The following TNFSF4 variants were observed in gnomAD, a reference collection of about 807,000 sequenced individuals.
TNFSF4 encodes tumor necrosis factor ligand superfamily member 4.
Under a neutral mutation model 7.3 loss-of-function variants are expected in TNFSF4, and 4 were observed. The observed-to-expected ratio is 0.55, with a 90% CI of 0.27 to 1.25. The LOEUF (loss-of-function observed/expected upper bound fraction) is 1.25. TNFSF4 is among the 50% of genes most tolerant of loss of function. The pLI is 0.12. For synonymous variants in TNFSF4, 76 were observed against 83.7 expected (o/e 0.91, Z 0.50); for missense variants, 181 against 208.8 (o/e 0.87, Z 0.82).
rs375297833 is a variant in TNFSF4 at position 173,192,390 on chromosome 1, A to G, written c.154-3821T>C. ...TGGAACATTATGCAGCACTAAAAAG[A>G]AATGAACTATCAAGCTATGAAAAGA... On this transcript the variant is annotated intron_variant, in intron 1 of 2. Coordinates refer to ENST00000281834, the MANE Select transcript of TNFSF4 (RefSeq NM_003326.5). Among the ~76,000 whole-genome samples the G allele has an allele frequency of 2.0e-5, 3 of 152,360 alleles. No individual in the cohort carries two copies. The East Asian group carries it at 5.8e-4, about 29-fold the overall frequency.
chr1:173,440,334 A>C, the TNFSF4 span: 1 of 152,100 alleles, frequency 6.6e-6, no homozygotes, highest in Non-Finnish European at 1.5e-5. Context: ...TTTACTTTAT[A>C]CAATGACAGT....
the TNFSF4 span, among the ~76,000 whole-genome samples, chr1:173,412,924 A>T: frequency 6.6e-6 from 1 of 152,208 alleles, no homozygotes; most frequent in African/African-American, 2.4e-5. Context: ...TCAATAAAAA[A>T]GGGGGTGGGA....
At chr1:173,264,079 A>G in the TNFSF4 span, among the ~76,000 whole-genome samples, 1 of 152,208 alleles carries the variant, frequency 6.6e-6, no homozygotes, top group Non-Finnish European at 1.5e-5. Context: ...AACCCCAATG[A>G]TACAAATTTA....
intron 1 of TNFSF4, among the ~76,000 whole-genome samples, chr1:173,204,391 T>C (rs1650086486): frequency 6.6e-6 from 1 of 152,142 alleles, no homozygotes; most frequent in African/African-American, 2.4e-5. Flanking sequence ...AAACAAAATA[T>C]TCTGCATTTC....
chr1:173,216,887 A>G, the TNFSF4 span, among the ~76,000 whole-genome samples: 1 of 151,874 alleles, frequency 6.6e-6, no homozygotes, highest in Admixed American at 6.6e-5. Context: ...TGCTGTTCTT[A>G]CCCTTATTCT....
the TNFSF4 span, among the ~76,000 whole-genome samples, chr1:173,386,963 C>A: frequency 6.6e-6 from 1 of 152,156 alleles, no homozygotes. Flanking sequence ...TTTGGAGACA[C>A]CTAACTTGAT....
the TNFSF4 span, among the ~76,000 whole-genome samples, chr1:173,313,639 A>G: frequency 6.6e-6 from 1 of 152,106 alleles, no homozygotes; most frequent in African/African-American, 2.4e-5. Context: ...TGAGAGGAGC[A>G]TACTCCTTTC....
chr1:173,413,628 G>A, the TNFSF4 span, among the ~76,000 whole-genome samples: 15 of 152,158 alleles, frequency 9.9e-5, no homozygotes, highest in African/African-American at 2.9e-4. Flanking sequence ...TCAGAGGAGC[G>A]AGCAGCAGCA....
At chr1:173,181,756 G>A (rs1649058291), downstream of TNFSF4, among the ~76,000 whole-genome samples, 1 of 152,154 alleles carries the variant, frequency 6.6e-6, no homozygotes, top group Non-Finnish European at 1.5e-5. Context: ...GGAAGGTAAG[G>A]CATTAAAAGT....
the TNFSF4 span, among the ~76,000 whole-genome samples, chr1:173,374,028 C>T: frequency 2.6e-5 from 4 of 152,178 alleles, no homozygotes; most frequent in African/African-American, 7.2e-5. Context: ...AAATGAAACA[C>T]TCAAGAGGCA....
chr1:173,186,969 G>A (rs1649255673), intron 2 of TNFSF4, 104 bp from the exon 3 acceptor site: 4 of 774,270 alleles, frequency 5.2e-6, no homozygotes, highest in Non-Finnish European at 8.1e-6. Flanking sequence ...GTGATAGGGA[G>A]AGATTTTGAA....
chr1:173,196,983 A>C (rs1176377847), intron 1 of TNFSF4, among the ~76,000 whole-genome samples: 1 of 152,204 alleles, frequency 6.6e-6, no homozygotes, highest in East Asian at 1.9e-4. Context: ...CCATGTCTCA[A>C]ACATAATGGC....
At chr1:173,284,703 G>A in the TNFSF4 span, among the ~76,000 whole-genome samples, 2 of 152,136 alleles carry the variant, frequency 1.3e-5, no homozygotes, top group African/African-American at 4.8e-5. Flanking sequence ...TACTCTCCAT[G>A]TGCTCTATAA....
At chr1:173,355,687 T>G in the TNFSF4 span, among the ~76,000 whole-genome samples, 1 of 152,214 alleles carries the variant, frequency 6.6e-6, no homozygotes, top group African/African-American at 2.4e-5. Context: ...CTACAACAAG[T>G]TAGAAGAAGC....
intron 1 of TNFSF4, among the ~76,000 whole-genome samples, chr1:173,199,885 A>G (rs1649869131): frequency 6.6e-6 from 1 of 152,204 alleles, no homozygotes; most frequent in Non-Finnish European, 1.5e-5. Flanking sequence ...CAGAGAGAAT[A>G]AATTACTGAA....
chr1:173,216,210 G>A, the TNFSF4 span, among the ~76,000 whole-genome samples: 1 of 152,032 alleles, frequency 6.6e-6, no homozygotes, highest in Non-Finnish European at 1.5e-5. Context: ...GCATCAGCAG[G>A]GTAGGAATCC....
the TNFSF4 span, among the ~76,000 whole-genome samples, chr1:173,432,030 G>A: frequency 6.6e-6 from 1 of 152,216 alleles, no homozygotes; most frequent in South Asian, 2.1e-4. Context: ...AGGCCTTAAG[G>A]ATTGACAACT....
the TNFSF4 span, among the ~76,000 whole-genome samples, chr1:173,405,929 G>C: frequency 6.6e-6 from 1 of 152,224 alleles, no homozygotes; most frequent in Non-Finnish European, 1.5e-5. Context: ...GCGAAATATG[G>C]AGTTAGCTCA....
the TNFSF4 span, among the ~76,000 whole-genome samples, chr1:173,174,074 C>G: frequency 2.9e-3 from 442 of 152,288 alleles, 2 homozygotes; most frequent in African/African-American, 8.7e-3. Context: ...ATTTCCTCTG[C>G]CAGATACTCT....
Sources: allele counts gnomAD v4.1 joint callset (sites outside exome capture counted in the v4.1 genomes callset), GRCh38; gene constraint gnomAD v4.1.1; transcripts MANE v1.5; gene names NCBI Gene and HGNC (gene_info 2026-07-23, HGNC 2026-07-21).